Variants in MAP2 observed in about 807,000 individuals in gnomAD.
MAP2 encodes microtubule-associated protein 2.
A neutral mutation model predicts 137.6 loss-of-function variants in MAP2; 14 were observed. That is an observed-to-expected ratio of 0.10 (90% CI 0.07 to 0.16). The LOEUF (loss-of-function observed/expected upper bound fraction) is 0.16. Among genes scored for constraint, MAP2 ranks in the 10% least tolerant of loss-of-function variants. The pLI, the probability that MAP2 is intolerant of heterozygous loss-of-function variation, is 1.00. For missense variants in MAP2, 2,088 were observed against 2,191.5 expected, an observed-to-expected ratio of 0.95 and a Z score of 0.94; for synonymous variants, 786 against 782.3, an observed-to-expected ratio of 1.00 and a Z score of -0.08.
intron 2 of MAP2, among the ~76,000 whole-genome samples, chr2:209,544,878 A>G (rs1577731809): frequency 6.6e-6 from 1 of 152,316 alleles, no homozygotes; most frequent in African/African-American, 2.4e-5. Context: ...GTACTTGATT[A>G]CTCTGGGCTT....
chr2:209,448,564 A>C (rs1460263721), intron 1 of MAP2, among the ~76,000 whole-genome samples: 1 of 152,174 alleles, frequency 6.6e-6, no homozygotes. Flanking sequence ...CTCTGAAATT[A>C]AGGTATTGGC....
chr2:209,576,885 G>T (rs1467242694), intron 2 of MAP2, among the ~76,000 whole-genome samples: 1 of 151,966 alleles, frequency 6.6e-6, no homozygotes, highest in African/African-American at 2.4e-5. Flanking sequence ...GGAAACAATT[G>T]GGAAAAAAAG....
chr2:209,480,553 T>C (rs979508822), intron 1 of MAP2, among the ~76,000 whole-genome samples: 13 of 152,040 alleles, frequency 8.6e-5, no homozygotes, highest in Non-Finnish European at 1.6e-4. Context: ...TTTGTTTGTT[T>C]GTTTGTTTGT....
chr2:209,701,733 G>A (rs1027726836), intron 11 of MAP2, among the ~76,000 whole-genome samples: 6 of 151,982 alleles, frequency 3.9e-5, no homozygotes, highest in African/African-American at 1.2e-4. Flanking sequence ...CTGAACATAT[G>A]GCAAGCAACA....
At chr2:209,553,021 T>G (rs997240879) in intron 2 of MAP2, among the ~76,000 whole-genome samples, 27 of 151,960 alleles carry the variant, frequency 1.8e-4, no homozygotes, top group Admixed American at 4.6e-4. Flanking sequence ...TGTTGTTGTT[T>G]TTTTTTTTGA....
chr2:209,548,296 A>C (rs1009763483), intron 2 of MAP2, among the ~76,000 whole-genome samples: 1 of 152,208 alleles, frequency 6.6e-6, no homozygotes, highest in Non-Finnish European at 1.5e-5. Flanking sequence ...CACAAACTTC[A>C]TATTTTTATC....
At chr2:209,427,822 A>G (rs1393240769) in intron 1 of MAP2, among the ~76,000 whole-genome samples, 1 of 149,802 alleles carries the variant, frequency 6.7e-6, no homozygotes, top group Admixed American at 6.6e-5. Context: ...GACAGTCTGT[A>G]TGAAGGTTTG....
chr2:209,707,678 A>G (rs895746182), intron 12 of MAP2, among the ~76,000 whole-genome samples: 1 of 152,180 alleles, frequency 6.6e-6, no homozygotes, highest in Non-Finnish European at 1.5e-5. Flanking sequence ...AATAAGAAAC[A>G]TTCAAATTTA....
intron 1 of MAP2, among the ~76,000 whole-genome samples, chr2:209,474,855 T>C (rs1040164175): frequency 1.5e-4 from 23 of 152,158 alleles, no homozygotes; most frequent in African/African-American, 5.5e-4. Flanking sequence ...GAGGAAAACA[T>C]ATATATTTTT....
At chr2:209,545,055 A>G (rs1342075737) in intron 2 of MAP2, among the ~76,000 whole-genome samples, 2 of 152,192 alleles carry the variant, frequency 1.3e-5, no homozygotes, top group African/African-American at 4.8e-5. Context: ...AAATACTGTT[A>G]ATTTTTTAGG....
intron 2 of MAP2, among the ~76,000 whole-genome samples, chr2:209,545,646 T>C (rs2067904305): frequency 6.6e-6 from 1 of 152,224 alleles, no homozygotes; most frequent in African/African-American, 2.4e-5. Flanking sequence ...TACCTTATTG[T>C]TTGTTTTTAG....
At chr2:209,710,458 T>C in intron 13 of MAP2, 2 of 539,354 alleles carry the variant, frequency 3.7e-6, no homozygotes, top group South Asian at 5.6e-5. Context: ...TCCTTCTGTT[T>C]GTTACTGGGT....
intron 4 of MAP2, among the ~76,000 whole-genome samples, chr2:209,635,375 A>T (rs906720790): frequency 1.3e-5 from 2 of 152,178 alleles, no homozygotes; most frequent in African/African-American, 4.8e-5. Flanking sequence ...CTGAAGAAGG[A>T]TATATGGCCT....
Position 209,693,091 on chromosome 2 carries a change from A to G in MAP2, c.921A>G (p.Lys307=), listed in dbSNP as rs1325354542. Residue 307 remains lysine, a synonymous_variant, in exon 8 of 16, where the codon AAA becomes AAG. Coordinates refer to ENST00000682079, the MANE Select transcript of MAP2 (RefSeq NM_001375505.1). ...ATGATATCCCAAAATGGGAAGGGAAACAGTTTGATTCTCCCATGCCAAGTC... is the reference window on the plus strand; with the variant it reads ...ATGATATCCCAAAATGGGAAGGGAAGCAGTTTGATTCTCCCATGCCAAGTC... ...VFDDIPKWEG[K]QFDSPMPSPF... 3 of 1,613,404 alleles carry G rather than the reference A, an allele frequency of 1.9e-6. No homozygotes were observed. The highest frequency in any genetic ancestry group is 2.2e-5 in the East Asian group (1 of 44,870).
At chr2:209,626,509 AT>A (rs1323925734) in intron 4 of MAP2, among the ~76,000 whole-genome samples, 4 of 152,224 alleles carry the variant, frequency 2.6e-5, no homozygotes, top group African/African-American at 7.2e-5. Context: ...GTCTAAAAAA[AT>A]AATCACAGAA....
intron 5 of MAP2, chr2:209,661,499 A>T (rs1296073763): frequency 1.0e-6 from 1 of 985,218 alleles, no homozygotes; most frequent in East Asian, 1.1e-4. Context: ...GTTATTTAGC[A>T]TTCAAGGGTG....
At chr2:209,538,011 C>T (rs2066254354) in intron 2 of MAP2, among the ~76,000 whole-genome samples, 1 of 152,092 alleles carries the variant, frequency 6.6e-6, no homozygotes, top group Non-Finnish European at 1.5e-5. Context: ...GTAACTTGCC[C>T]AGAGTCACAG....
chr2:209,514,125 C>T (rs2062116876), intron 2 of MAP2, among the ~76,000 whole-genome samples: 1 of 151,966 alleles, frequency 6.6e-6, no homozygotes, highest in Admixed American at 6.6e-5. Flanking sequence ...TTTCCAGAAT[C>T]TCAAAGTCAC....
At chr2:209,459,677 C>T (rs1195841821) in intron 1 of MAP2, among the ~76,000 whole-genome samples, 2 of 152,222 alleles carry the variant, frequency 1.3e-5, no homozygotes, top group Non-Finnish European at 2.9e-5. Context: ...TTTTCTACTG[C>T]CTTAGAGAAC....
Sources: allele counts gnomAD v4.1 joint callset (sites outside exome capture counted in the v4.1 genomes callset), GRCh38; gene constraint gnomAD v4.1.1; transcripts MANE v1.5; gene names NCBI Gene and HGNC (gene_info 2026-07-23, HGNC 2026-07-21).